Variants in HBS1L observed in about 807,000 individuals in gnomAD.
HBS1L encodes HBS1-like protein.
In HBS1L, 55 loss-of-function variants were observed where a neutral mutation model predicts 88.9. The observed-to-expected ratio is 0.62, with a 90% CI of 0.50 to 0.77. The LOEUF (loss-of-function observed/expected upper bound fraction) is 0.77. HBS1L is among the 30% of genes least tolerant of loss of function. The pLI is 0.00. For synonymous variants in HBS1L, 267 were observed against 288.5 expected, an observed-to-expected ratio of 0.93 and a Z score of 0.76; for missense variants, 741 against 829.3, an observed-to-expected ratio of 0.89 and a Z score of 1.31.
intron 16 of HBS1L, among the ~76,000 whole-genome samples, chr6:134,967,581 G>A (rs1453346735): frequency 1.3e-5 from 2 of 152,166 alleles, no homozygotes; most frequent in Non-Finnish European, 2.9e-5. Context: ...ACAAACACGA[G>A]AATATGTTAA....
intron 4 of HBS1L, among the ~76,000 whole-genome samples, chr6:135,018,249 G>A (rs542515957): frequency 1.3e-5 from 2 of 152,036 alleles, no homozygotes; most frequent in African/African-American, 4.8e-5. Context: ...ACACCACCTC[G>A]GCTATGGAGA....
Position 134,964,930 on chromosome 6 carries a change from C to T in HBS1L, c.*349G>A, listed in dbSNP as rs554599145. On this transcript the variant is annotated 3_prime_UTR_variant, in exon 18 of 18. Transcript: ENST00000367837. ...AGTATAATTGAATCAAAAGAGAAAA[C>T]TGCAAATACATTGTGCTTTGGCCAG... The T allele has an allele frequency of 1.6e-5, 4 of 256,798 alleles. No homozygotes were observed. The highest frequency in any genetic ancestry group is 3.0e-5 in the Non-Finnish European group (4 of 134,718). The allele number at this position is 256,798 out of a possible 1,614,324, so 15.9% of individuals were successfully genotyped here.
At chr6:134,966,702 C>T (rs1774326382) in intron 16 of HBS1L, among the ~76,000 whole-genome samples, 1 of 148,942 alleles carries the variant, frequency 6.7e-6, no homozygotes, top group Non-Finnish European at 1.5e-5. Context: ...TCATTTTTAC[C>T]AATCTTCCAA....
rs530163952 is a variant in HBS1L at position 135,049,328 on chromosome 6, C to T, written c.109+1254G>A. ...TTAATCCCATTCATGAGGGCTCTAC[C>T]CTCATGGCCTAATCACCTCCCCTCC... On this transcript the variant is annotated intron_variant, in intron 2 of 17. Coordinates refer to ENST00000367837, the MANE Select transcript of HBS1L (RefSeq NM_006620.4). Among the ~76,000 whole-genome samples, 8 of 152,114 alleles carry T rather than the reference C, an allele frequency of 5.3e-5. No homozygotes were observed. In the East Asian group the frequency reaches 1.2e-3, roughly 22 times the overall value.
chr6:135,035,186 C>T (rs1776496875), intron 4 of HBS1L, among the ~76,000 whole-genome samples: 1 of 152,186 alleles, frequency 6.6e-6, no homozygotes, highest in Non-Finnish European at 1.5e-5. Context: ...GGCGTGGTGG[C>T]TCACACCTAT....
chr6:135,031,578 C>T (rs1190362000), intron 4 of HBS1L, among the ~76,000 whole-genome samples: 5 of 151,614 alleles, frequency 3.3e-5, no homozygotes, highest in Admixed American at 2.0e-4. Flanking sequence ...ATAACAAAGA[C>T]GGGAAACAGA....
rs1774951387 is a variant in HBS1L, at chr6:134,985,411, T to G, written c.1424-2A>C. ...ATCGCTGGGGAGGCTTAAAGGAATC[T>G]GGAAAAAAGAAATTGCAAAAGGCAA... On this transcript the variant is annotated splice_acceptor_variant, in intron 11 of 17. Coordinates refer to ENST00000367837, the MANE Select transcript of HBS1L (RefSeq NM_006620.4). LOFTEE classifies it high-confidence loss of function. 1 of 1,587,342 alleles carries G rather than the reference T, an allele frequency of 6.3e-7. No homozygotes were observed. Among genetic ancestry groups the G allele is most frequent in the East Asian group, 2.2e-5 (1 of 44,466 alleles).
At chr6:134,996,996 T>C in intron 6 of HBS1L, 54 bp from the exon 7 acceptor site, 3 of 1,282,992 alleles carry the variant, frequency 2.3e-6, no homozygotes, top group Non-Finnish European at 3.2e-6. Flanking sequence ...ATGTTCACAT[T>C]GAGGCATTGC....
chr6:134,965,790 T>C (rs1388419828), intron 17 of HBS1L, among the ~76,000 whole-genome samples: 1 of 152,202 alleles, frequency 6.6e-6, no homozygotes, highest in East Asian at 1.9e-4. Flanking sequence ...GCCTTCCATA[T>C]GTATTTTACT....
chr6:135,035,421 CAG>C (rs578057946), intron 4 of HBS1L, among the ~76,000 whole-genome samples: 108 of 147,446 alleles, frequency 7.3e-4, no homozygotes, highest in Middle Eastern at 4.0e-3. Context: ...AGCCTGGCGA[CAG>C]AGAGAGACTC....
At chr6:135,008,263 C>T (rs1775667873) in intron 4 of HBS1L, among the ~76,000 whole-genome samples, 1 of 152,170 alleles carries the variant, frequency 6.6e-6, no homozygotes, top group South Asian at 2.1e-4. Flanking sequence ...TTCATTCAGA[C>T]AGAAATAATA....
chr6:135,028,510 AT>A (rs1201594188), intron 4 of HBS1L, among the ~76,000 whole-genome samples: 1 of 152,184 alleles, frequency 6.6e-6, no homozygotes, highest in East Asian at 1.9e-4. Context: ...AAAACAAATC[AT>A]TTCAATGCTA....
intron 3 of HBS1L, among the ~76,000 whole-genome samples, 189 bp downstream of exon 3, chr6:135,041,812 C>A (rs1318401977): frequency 6.6e-6 from 1 of 152,168 alleles, no homozygotes. Context: ...TACAATTTTT[C>A]AATCATACAG....
intron 8 of HBS1L, 149 bp from the exon 9 acceptor site, chr6:134,987,940 AT>A: frequency 1.9e-6 from 1 of 534,238 alleles, no homozygotes. Flanking sequence ...ACTCCCAAAG[AT>A]GGATTAAAAT....
chr6:135,050,471 T>A, intron 2 of HBS1L, 111 bp downstream of exon 2: 1 of 618,410 alleles, frequency 1.6e-6, no homozygotes, highest in Non-Finnish European at 2.8e-6. Context: ...TATAATTAAC[T>A]TTTTAAATGT....
chr6:134,982,171 C>A (rs1489523243), intron 13 of HBS1L: 1 of 252,242 alleles, frequency 4.0e-6, no homozygotes, highest in Non-Finnish European at 7.5e-6. Context: ...TGTGAGGTAT[C>A]TATACATATC....
chr6:135,036,109 C>T lies in HBS1L; in HGVS notation c.430+3464G>A, dbSNP rs1455399895. 2.1e-5 allele frequency: 14 copies of T among 657,692 alleles called. No individual in the cohort carries two copies. In the East Asian group the frequency reaches 1.8e-3, roughly 83 times the overall value. 40.7% of individuals were successfully genotyped at this position (657,692 alleles called of 1,614,324 possible). On this transcript the variant is annotated intron_variant, in intron 4 of 17. Transcript: ENST00000367837. ...AAAATAATGAAACTAGGAATTATAT[C>T]ATATTTTAAAATATAACATCTCAGT...
intron 4 of HBS1L, among the ~76,000 whole-genome samples, chr6:135,008,001 G>T (rs530641738): frequency 6.6e-6 from 1 of 152,064 alleles, no homozygotes; most frequent in Non-Finnish European, 1.5e-5. Flanking sequence ...CATGAAGTAC[G>T]TAAAATTTCC....
chr6:134,980,252 G>A lies in HBS1L; in HGVS notation c.1598-984C>T, dbSNP rs936470500. ...CAGCAGGGAGAGTTTCTGACTTTTA[G>A]GGAGCTCAAGGATTTAACTTTAAGA... On this transcript the variant is annotated intron_variant, in intron 13 of 17. Transcript: ENST00000367837. Among the ~76,000 whole-genome samples, 6 of 152,008 alleles carry A rather than the reference G, an allele frequency of 3.9e-5. No individual in the cohort carries two copies. In the East Asian group the frequency reaches 1.2e-3, roughly 29 times the overall value.
Sources: gnomAD v4.1 joint callset for allele counts (sites outside exome capture counted in the v4.1 genomes callset) on GRCh38, gnomAD v4.1.1 for gene constraint, MANE v1.5 for transcripts, NCBI Gene and HGNC (gene_info 2026-07-23, HGNC 2026-07-21) for gene names.